UBTD2: variants seen among roughly 807,000 people sequenced by gnomAD.
UBTD2 encodes ubiquitin domain-containing protein 2.
In UBTD2, 9 loss-of-function variants were observed where a neutral mutation model predicts 19.8. The observed-to-expected ratio is 0.46, with a 90% CI of 0.27 to 0.79. UBTD2 has a LOEUF of 0.79. Ranked by LOEUF, UBTD2 falls within the 30% of genes least tolerant of loss-of-function variation. UBTD2 has a pLI of 0.14. For synonymous variants in UBTD2, 98 were observed against 103.9 expected (o/e 0.94, Z 0.35); for missense variants, 250 against 300.4 (o/e 0.83, Z 1.24).
intron 2 of UBTD2, among the ~76,000 whole-genome samples, chr5:172,232,068 C>T (rs1178415895): frequency 6.6e-6 from 1 of 152,070 alleles, no homozygotes; most frequent in Non-Finnish European, 1.5e-5. Context: ...GCCAGGAGTT[C>T]GAGACCAGCT....
At chr5:172,239,443 G>A (rs1037308565) in intron 1 of UBTD2, among the ~76,000 whole-genome samples, 1 of 151,916 alleles carries the variant, frequency 6.6e-6, no homozygotes, top group African/African-American at 2.4e-5. Context: ...CCTTTGAGAT[G>A]GAGTTTCACT....
intron 1 of UBTD2, among the ~76,000 whole-genome samples, chr5:172,270,292 A>G (rs1195901920): frequency 1.3e-5 from 2 of 151,200 alleles, no homozygotes; most frequent in Admixed American, 1.3e-4. Context: ...CTGTGATAAT[A>G]CAGACTGAGT....
At chr5:172,253,865 T>G (rs908178815) in intron 1 of UBTD2, among the ~76,000 whole-genome samples, 2 of 152,248 alleles carry the variant, frequency 1.3e-5, no homozygotes, top group African/African-American at 4.8e-5. Flanking sequence ...TGTTCCCTTG[T>G]TCTTATTACA....
At chr5:172,267,755 C>G (rs189254416) in intron 1 of UBTD2, among the ~76,000 whole-genome samples, 2 of 151,984 alleles carry the variant, frequency 1.3e-5, no homozygotes, top group Non-Finnish European at 2.9e-5. Context: ...AAATCAAATG[C>G]TGAGGCTATG....
chr5:172,247,787 T>A (rs1454944794), intron 1 of UBTD2, among the ~76,000 whole-genome samples: 1 of 152,180 alleles, frequency 6.6e-6, no homozygotes, highest in South Asian at 2.1e-4. Flanking sequence ...ATAGACAGAA[T>A]AGTGATAAGC....
At chr5:172,249,532 G>A (rs1041252108) in intron 1 of UBTD2, among the ~76,000 whole-genome samples, 3 of 150,592 alleles carry the variant, frequency 2.0e-5, no homozygotes, top group Admixed American at 6.6e-5. Flanking sequence ...CAAAGACACC[G>A]CAAGAAAACT....
At chr5:172,242,175 A>C (rs1772144221) in intron 1 of UBTD2, among the ~76,000 whole-genome samples, 1 of 149,380 alleles carries the variant, frequency 6.7e-6, no homozygotes, top group Non-Finnish European at 1.5e-5. Flanking sequence ...GGCCAGTGCC[A>C]TGCTTCCTGT....
chr5:172,233,823 T>C (rs912282883), intron 2 of UBTD2, among the ~76,000 whole-genome samples: 24 of 45,086 alleles, frequency 5.3e-4, no homozygotes, highest in African/African-American at 1.9e-3. Flanking sequence ...GGTGGGAGGG[T>C]GGAGGGAAGA....
chr5:172,234,452 CA>C, intron 1 of UBTD2, 94 bp from the exon 2 acceptor site: 1 of 1,094,784 alleles, frequency 9.1e-7, no homozygotes, highest in Non-Finnish European at 1.3e-6. Context: ...ATTATTTCAT[CA>C]AAATCACAGC....
intron 2 of UBTD2, among the ~76,000 whole-genome samples, chr5:172,221,698 G>A (rs530442546): frequency 4.0e-4 from 61 of 152,234 alleles, no homozygotes; most frequent in Admixed American, 1.0e-3. Context: ...GGGTTAGGAG[G>A]GAGGCAGGGA....
intron 2 of UBTD2, among the ~76,000 whole-genome samples, chr5:172,225,991 A>T (rs1194885947): frequency 1.6e-5 from 2 of 122,216 alleles, no homozygotes; most frequent in African/African-American, 6.6e-5. Context: ...ATGCTGGAGG[A>T]GAGTGGCACA....
At chr5:172,254,563 G>A in intron 1 of UBTD2, 1 of 630,922 alleles carries the variant, frequency 1.6e-6, no homozygotes, top group South Asian at 1.8e-5. Context: ...TTTTCTGTGT[G>A]TCGTCTTCTG....
At chr5:172,279,437 A>G (rs1353946746) in intron 1 of UBTD2, among the ~76,000 whole-genome samples, 1 of 152,222 alleles carries the variant, frequency 6.6e-6, no homozygotes, top group East Asian at 1.9e-4. Flanking sequence ...GCTGCTATAA[A>G]TGGGTATCTG....
intron 2 of UBTD2, among the ~76,000 whole-genome samples, chr5:172,220,319 A>G (rs1685830190): frequency 6.6e-6 from 1 of 152,228 alleles, no homozygotes; most frequent in African/African-American, 2.4e-5. Context: ...AACTTCCTCA[A>G]CTTGATAAAG....
chr5:172,232,717 C>CA (rs1006923271), intron 2 of UBTD2, among the ~76,000 whole-genome samples: 6 of 151,360 alleles, frequency 4.0e-5, no homozygotes, highest in Non-Finnish European at 7.4e-5. Flanking sequence ...CAAAACAAAA[C>CA]AAAAAAACAA....
chr5:172,265,291 A>C (rs2113108010), intron 1 of UBTD2, among the ~76,000 whole-genome samples: 1 of 152,334 alleles, frequency 6.6e-6, no homozygotes, highest in Middle Eastern at 3.4e-3. Context: ...GTCAGTAATA[A>C]AATAATTTCA....
chr5:172,271,219 A>G (rs1356042986), intron 1 of UBTD2, among the ~76,000 whole-genome samples: 1 of 152,062 alleles, frequency 6.6e-6, no homozygotes, highest in Non-Finnish European at 1.5e-5. Flanking sequence ...TCACGAGGTC[A>G]GGAGATCAAG....
chr5:172,258,124 T>C (rs1325199604), intron 1 of UBTD2, among the ~76,000 whole-genome samples: 2 of 152,052 alleles, frequency 1.3e-5, no homozygotes, highest in Admixed American at 1.3e-4. Context: ...TCTTCTAGGG[T>C]TTTTCAAGTT....
intron 2 of UBTD2, among the ~76,000 whole-genome samples, chr5:172,216,410 C>G (rs1392888803): frequency 6.6e-6 from 1 of 150,870 alleles, no homozygotes; most frequent in Non-Finnish European, 1.5e-5. Flanking sequence ...CACATCTAAG[C>G]ATATCATTTT....
Sources: allele counts gnomAD v4.1 joint callset (sites outside exome capture counted in the v4.1 genomes callset), GRCh38; gene constraint gnomAD v4.1.1; transcripts MANE v1.5; gene names NCBI Gene and HGNC (gene_info 2026-07-23, HGNC 2026-07-21).